Variants in PTPRN2 observed in about 807,000 individuals in gnomAD.
The protein encoded by PTPRN2 is protein tyrosine phosphatase receptor type N2.
In PTPRN2, 74 loss-of-function variants were observed where a neutral mutation model predicts 118.8. That is an observed-to-expected ratio of 0.62 (90% confidence interval 0.52 to 0.76). PTPRN2 has a LOEUF of 0.76. PTPRN2 is among the 30% of genes least tolerant of loss of function. PTPRN2 has a pLI of 0.00. For missense variants in PTPRN2, 1,481 were observed against 1,394.4 expected (o/e 1.06, Z -0.99); for synonymous variants, 641 against 608.0 (o/e 1.05, Z -0.80).
chr7:158,495,353 A>G (rs1157551883), intron 1 of PTPRN2, among the ~76,000 whole-genome samples: 1 of 152,204 alleles, frequency 6.6e-6, no homozygotes, highest in Non-Finnish European at 1.5e-5. Context: ...CATTTTTAAC[A>G]TTCTGGAGAG....
chr7:158,047,366 A>T (rs777987427), intron 11 of PTPRN2, among the ~76,000 whole-genome samples: 1 of 152,234 alleles, frequency 6.6e-6, no homozygotes, highest in Admixed American at 6.5e-5. Context: ...GTATACACAC[A>T]TCATGTCCAA....
chr7:157,714,292 T>C (rs1473363229), intron 12 of PTPRN2, among the ~76,000 whole-genome samples: 1 of 152,242 alleles, frequency 6.6e-6, no homozygotes, highest in Non-Finnish European at 1.5e-5. Flanking sequence ...TATAGTACAG[T>C]CCGTTAAACT....
chr7:158,514,403 C>T (rs1241949652), intron 1 of PTPRN2, among the ~76,000 whole-genome samples: 1 of 152,176 alleles, frequency 6.6e-6, no homozygotes, highest in Non-Finnish European at 1.5e-5. Context: ...ACGTGGGCTG[C>T]CCAGTCCCTG....
Position 157,729,826 on chromosome 7 carries a change from C to T in PTPRN2, c.1789-46889G>A, listed in dbSNP as rs988046497. ...TGCTGGCCACGTGGAGGACGGGGAG[C>T]GGCAGGCGGATGAGGGAAGGACCGT... is the stretch of plus-strand genomic sequence containing the variant. On this transcript the variant is annotated intron_variant, in intron 12 of 22. Transcript: ENST00000389418. This position sits in a 1 kb window ranked among gnomAD's most constrained non-coding sequence, Gnocchi z 4.3. 8.5e-5 allele frequency among the ~76,000 whole-genome samples: 13 copies of T among 152,112 alleles called. No homozygotes were observed. The highest frequency in any genetic ancestry group is 2.1e-4 in the South Asian group (1 of 4,822).
chr7:158,395,261 G>A (rs1337503035), intron 2 of PTPRN2, among the ~76,000 whole-genome samples: 2 of 139,484 alleles, frequency 1.4e-5, no homozygotes, highest in Non-Finnish European at 3.1e-5. Context: ...GGGCACCTGC[G>A]CCCAGGGCTG....
intron 11 of PTPRN2, among the ~76,000 whole-genome samples, chr7:157,900,353 A>T (rs1393442540): frequency 2.6e-5 from 4 of 152,176 alleles, no homozygotes; most frequent in African/African-American, 9.7e-5. Flanking sequence ...GCCTGACTTG[A>T]CCTGCAGACT....
At chr7:158,262,312 C>T (rs769399473) in intron 3 of PTPRN2, among the ~76,000 whole-genome samples, 6 of 151,518 alleles carry the variant, frequency 4.0e-5, no homozygotes, top group Non-Finnish European at 7.4e-5. Flanking sequence ...CATTCACACA[C>T]TGCACACACA....
intron 12 of PTPRN2, among the ~76,000 whole-genome samples, chr7:157,803,635 G>A (rs773185559): frequency 1.2e-4 from 18 of 152,314 alleles, no homozygotes; most frequent in East Asian, 1.9e-4. Context: ...GTCCGATGCC[G>A]TTCTTTTGCA....
intron 5 of PTPRN2, 38 bp from the exon 6 acceptor site, chr7:158,167,329 T>C: frequency 1.3e-6 from 2 of 1,538,774 alleles, no homozygotes; most frequent in South Asian, 1.2e-5. Context: ...AAGAGTCACA[T>C]TTCCATCGTC....
At chr7:157,710,632 G>A (rs1186246017) in intron 12 of PTPRN2, among the ~76,000 whole-genome samples, 1 of 151,746 alleles carries the variant, frequency 6.6e-6, no homozygotes. Flanking sequence ...ATGTCCCCTG[G>A]GGGGACATCT....
At chr7:157,713,298 G>A (rs781442000) in intron 12 of PTPRN2, among the ~76,000 whole-genome samples, 1 of 152,062 alleles carries the variant, frequency 6.6e-6, no homozygotes, top group African/African-American at 2.4e-5. Flanking sequence ...TGACAACATC[G>A]TGGAATATAA....
intron 2 of PTPRN2, among the ~76,000 whole-genome samples, chr7:158,488,272 G>C (rs1417760606): frequency 6.6e-6 from 1 of 152,096 alleles, no homozygotes. Context: ...GGAGCCCCAG[G>C]GGGTCCTAGG....
intron 6 of PTPRN2, among the ~76,000 whole-genome samples, chr7:158,149,050 C>A (rs1432793755): frequency 6.1e-5 from 8 of 130,430 alleles, no homozygotes; most frequent in African/African-American, 1.2e-4. Context: ...CTCACTGACA[C>A]CCCATCTCAT....
intron 1 of PTPRN2, among the ~76,000 whole-genome samples, chr7:158,584,400 G>A (rs113764575): frequency 6.6e-6 from 1 of 152,172 alleles, no homozygotes; most frequent in Non-Finnish European, 1.5e-5. Flanking sequence ...AGAGAAAGGC[G>A]GGCCGGTCGG....
rs1337226481 is a variant in PTPRN2, at chr7:157,618,228, G to A, written c.2344+3134C>T. ...AGGCGGGGCATGAGAGAAGGGAGGG[G>A]TGGTCCCGAGGACCCTTTCCATAGA... On this transcript the variant is annotated intron_variant, in intron 15 of 22. Coordinates refer to ENST00000389418, the MANE Select transcript of PTPRN2 (RefSeq NM_002847.5). This position sits in a 1 kb window ranked among gnomAD's most constrained non-coding sequence, Gnocchi z 4.2. 6.6e-6 allele frequency: 1 copy of A among 152,278 alleles called. No homozygotes were observed. The highest frequency in any genetic ancestry group is 1.5e-5 in the Non-Finnish European group (1 of 68,062). 9.4% of individuals were successfully genotyped at this position (152,278 alleles called of 1,614,324 possible).
intron 22 of PTPRN2, among the ~76,000 whole-genome samples, chr7:157,545,448 TGTGTGGGTGTGCAGTGTCCCTGGCTGC>T (rs1798265266): frequency 6.6e-6 from 1 of 151,204 alleles, no homozygotes; most frequent in Admixed American, 6.6e-5. Flanking sequence ...TGTGTGCAGG[TGTGTGGGTGTGCAGTGTCCCTGGCTGC>T]GTGTGGGTGT....
At chr7:158,283,355 C>T (rs769459574) in intron 3 of PTPRN2, among the ~76,000 whole-genome samples, 1 of 152,296 alleles carries the variant, frequency 6.6e-6, no homozygotes, top group African/African-American at 2.4e-5. Flanking sequence ...GTCTGCAGTT[C>T]ACACCGTCTG....
At chr7:157,692,425 GT>G (rs1461681028) in intron 12 of PTPRN2, among the ~76,000 whole-genome samples, 1 of 152,228 alleles carries the variant, frequency 6.6e-6, no homozygotes, top group African/African-American at 2.4e-5. Context: ...ACCTAGTTCT[GT>G]AAAACCTGGG....
intron 12 of PTPRN2, among the ~76,000 whole-genome samples, chr7:157,814,537 G>A (rs1317543300): frequency 7.0e-6 from 1 of 142,842 alleles, no homozygotes; most frequent in Non-Finnish European, 1.5e-5. Context: ...GGCGGGGGCA[G>A]GACAGAGGGA....
Sources: allele counts gnomAD v4.1 joint callset (sites outside exome capture counted in the v4.1 genomes callset), GRCh38; gene constraint gnomAD v4.1.1; non-coding constraint Gnocchi (gnomAD v3.1); transcripts MANE v1.5; gene names NCBI Gene and HGNC (gene_info 2026-07-23, HGNC 2026-07-21).